Variants in GTPBP6 observed in about 807,000 individuals in gnomAD.
GTPBP6 encodes the protein GTP binding protein 6, also known as putative GTP-binding protein 6.
GTPBP6 carries 33 observed loss-of-function variants against 28.9 expected under a neutral mutation model. That is an observed-to-expected ratio of 1.14 (90% CI 0.87 to 1.53). The LOEUF is 1.53. Ranked by LOEUF, GTPBP6 falls within the 40% of genes most tolerant of loss-of-function variation. The probability of loss-of-function intolerance (pLI) is 0.00; values close to 1 mark genes in which losing one functional copy is unlikely to be tolerated. For synonymous variants in GTPBP6, 231 were observed against 192.7 expected (o/e 1.20, Z -1.65); for missense variants, 507 against 408.3 (o/e 1.24, Z -2.08).
exon 1 of GTPBP6, chrX:318,507 C>T (rs1410942551): frequency 5.0e-6 from 2 of 398,436 alleles, no homozygotes; most frequent in Non-Finnish European, 8.8e-6. Flanking sequence ...GCGCTGGGTC[C>T]CCGCCGGCAG....
At chrX:307,331 C>A (rs1463863246) in intron 9 of GTPBP6, 29 bp downstream of exon 9, 2 of 1,607,714 alleles carry the variant, frequency 1.2e-6, no homozygotes, top group Admixed American at 3.3e-5. Context: ...AAAGCACCAT[C>A]CCGTCTCCTG....
At chrX:311,390 C>T in intron 7 of GTPBP6, 29 bp downstream of exon 7, 1 of 1,016,148 alleles carries the variant, frequency 9.8e-7, no homozygotes, top group Non-Finnish European at 1.3e-6. Flanking sequence ...GGTGTCCGAG[C>T]ACCCGATCCC....
chrX:313,482 T>C (rs1014802182), intron 5 of GTPBP6, among the ~76,000 whole-genome samples: 58 of 147,910 alleles, frequency 3.9e-4, no homozygotes, highest in African/African-American at 1.4e-3. Flanking sequence ...CAGAGGGAAG[T>C]GGATACAAGT....
At chrX:305,453 C>G (rs1245494902) in intron 9 of GTPBP6, among the ~76,000 whole-genome samples, 1 of 151,424 alleles carries the variant, frequency 6.6e-6, no homozygotes, top group Non-Finnish European at 1.5e-5. Flanking sequence ...TCCCGAGTAG[C>G]TGGGACTACA....
At chrX:311,935 T>C (rs1484035150) in intron 6 of GTPBP6, 20 of 578,072 alleles carry the variant, frequency 3.5e-5, no homozygotes, top group Non-Finnish European at 6.2e-5. Context: ...ATGGCGTAGA[T>C]GGTGGGATGG....
At position 311,484 on chromosome X, in the gene GTPBP6, G is replaced by A. The variant is rs770844435; in HGVS notation, c.1060C>T (p.Leu354Phe). 1.7e-5 allele frequency: 28 copies of A among 1,612,252 alleles called. No homozygotes were observed. The South Asian group carries it at 2.7e-4, about 16-fold the overall frequency. ...ATGAGGCCGTGCGGCAGCTGGGAGAGGAAGCCGATGGTGTCCACGTACAGG... is the reference window on the plus strand; with the variant it reads ...ATGAGGCCGTGCGGCAGCTGGGAGAAGAAGCCGATGGTGTCCACGTACAGG... Residue 354 changes from leucine (L) to phenylalanine (F), a missense_variant, in exon 7 of 10, where the codon CTC (leucine) becomes TTC (phenylalanine). Leu to Phe is a conservative substitution (Grantham distance 22). Coordinates refer to ENST00000326153, the Ensembl canonical transcript of GTPBP6.
At chrX:304,987 G>C (rs2070122576) in exon 10 of GTPBP6, 1 of 1,555,066 alleles carries the variant, frequency 6.4e-7, no homozygotes, top group African/African-American at 1.4e-5. Context: ...TGCTGCACCT[G>C]ACACCAAGCT....
intron 1 of GTPBP6, among the ~76,000 whole-genome samples, chrX:317,732 C>CGGGCCCCACCCCAT (rs2070466273): frequency 1.3e-4 from 17 of 132,866 alleles, no homozygotes; most frequent in Admixed American, 1.2e-3. Context: ...CCCCACCCCA[C>CGGGCCCCACCCCAT]GGACCCCACG....
chrX:309,004 C>T lies in GTPBP6; in HGVS notation c.1126-1124G>A, dbSNP rs749412521. Among the ~76,000 whole-genome samples the T allele has an allele frequency of 7.2e-5, 11 of 152,240 alleles. No homozygotes were observed. In the South Asian group the frequency reaches 2.3e-3, roughly 32 times the overall value. On this transcript the variant is annotated intron_variant, in intron 7 of 9. Transcript: ENST00000326153. ...CCTCCCAAAGTGCTGGGATTGCAGG[C>T]GTGAGCCACCACACCCGGTCCATAA...
Position 314,111 on chromosome X carries a change from C to T in GTPBP6, c.757+39G>A, listed in dbSNP as rs1056371051. ...GGTGGCTGCCGCTGACAACCGCATT[C>T]CGAGGACCCTCTGGGACGCCGCGCC... is the stretch of plus-strand genomic sequence containing the variant. On this transcript the variant is annotated intron_variant, in intron 5 of 9. Transcript: ENST00000326153. 6 of 1,524,630 alleles carry T rather than the reference C, an allele frequency of 3.9e-6. No homozygotes were observed. In the African/African-American group the frequency reaches 6.1e-5, roughly 15 times the overall value. 94.4% of individuals were successfully genotyped at this position (1,524,630 alleles called of 1,614,324 possible). A position where few individuals can be genotyped will look rare whatever the true frequency, so the allele number is the denominator to read the frequency against.
At chrX:309,436 A>G (rs1206818100) in intron 7 of GTPBP6, among the ~76,000 whole-genome samples, 1 of 151,750 alleles carries the variant, frequency 6.6e-6, no homozygotes, top group African/African-American at 2.4e-5. Flanking sequence ...AGTGGGCCTT[A>G]AATCCAACGA....
At chrX:308,070 C>T (rs1375292303) in intron 7 of GTPBP6, among the ~76,000 whole-genome samples, 190 bp from the exon 8 acceptor site, 6 of 152,190 alleles carry the variant, frequency 3.9e-5, no homozygotes, top group South Asian at 2.1e-4. Flanking sequence ...GCGAGCCCAC[C>T]CGGCTGCACT....
chrX:311,804 C>G, intron 6 of GTPBP6, 177 bp from the exon 7 acceptor site: 1 of 627,214 alleles, frequency 1.6e-6, no homozygotes, highest in Non-Finnish European at 2.8e-6. Flanking sequence ...GACAAAGCCA[C>G]CGTCGCTGTT....
chrX:311,603 A>C, exon 7 of GTPBP6: 1 of 1,612,138 alleles, frequency 6.2e-7, no homozygotes, highest in Non-Finnish European at 8.5e-7. Flanking sequence ...ATCGCCCGTC[A>C]GTGCCTTGAT....
intron 9 of GTPBP6, among the ~76,000 whole-genome samples, chrX:306,915 A>T (rs1026307326): frequency 3.7e-5 from 3 of 80,704 alleles, no homozygotes; most frequent in Non-Finnish European, 5.4e-5. Context: ...CAGATTAGGC[A>T]CCTGTTGTAT....
exon 1 of GTPBP6, chrX:318,650 A>C (rs1349112865): frequency 2.5e-6 from 1 of 397,080 alleles, no homozygotes. Context: ...GCCCCTCCAG[A>C]TTCCCGGGGC....
chrX:309,450 AC>A (rs1193870074), intron 7 of GTPBP6, among the ~76,000 whole-genome samples: 1 of 148,486 alleles, frequency 6.7e-6, no homozygotes, highest in African/African-American at 2.5e-5. Flanking sequence ...CCAACGACCG[AC>A]CGGTATGTTT....
At chrX:311,782 C>A (rs747538888) in intron 6 of GTPBP6, 155 bp from the exon 7 acceptor site, 1 of 657,992 alleles carries the variant, frequency 1.5e-6, no homozygotes, top group Admixed American at 2.4e-5. Flanking sequence ...CCGGGCCAGA[C>A]CCGACGCGTG....
intron 1 of GTPBP6, among the ~76,000 whole-genome samples, chrX:317,470 C>T (rs1266469463): frequency 4.3e-4 from 64 of 149,608 alleles, no homozygotes; most frequent in African/African-American, 1.5e-3. Flanking sequence ...AAAAACCACT[C>T]ATCGACTACA....
Sources: gnomAD v4.1 joint callset for allele counts (sites outside exome capture counted in the v4.1 genomes callset) on GRCh38, gnomAD v4.1.1 for gene constraint, MANE v1.5 for transcripts, NCBI Gene and HGNC (gene_info 2026-07-23, HGNC 2026-07-21) for gene names.